DIP2C: variants seen among roughly 807,000 people sequenced by gnomAD.
DIP2C encodes the protein disco-interacting protein 2 homolog C.
A neutral mutation model predicts 192.4 loss-of-function variants in DIP2C; 33 were observed. The observed-to-expected ratio is 0.17, with a 90% CI of 0.13 to 0.23. DIP2C has a LOEUF of 0.23. Among genes scored for constraint, DIP2C ranks in the 10% least tolerant of loss-of-function variants. DIP2C has a pLI of 1.00. For missense variants in DIP2C, 1,537 were observed against 2,110.1 expected (o/e 0.73, Z 5.32); for synonymous variants, 979 against 864.1 (o/e 1.13, Z -2.33).
At chr10:577,136 G>T (rs1850215392) in intron 1 of DIP2C, among the ~76,000 whole-genome samples, 1 of 152,204 alleles carries the variant, frequency 6.6e-6, no homozygotes, top group Non-Finnish European at 1.5e-5. Context: ...CCATAAATGA[G>T]TAAGTTCCAG....
At chr10:368,891 A>AGC (rs2132775622) in intron 18 of DIP2C, among the ~76,000 whole-genome samples, 1 of 152,308 alleles carries the variant, frequency 6.6e-6, no homozygotes, top group South Asian at 2.1e-4. Context: ...CCATGAGTTG[A>AGC]GCGCCAAGCG....
chr10:672,082 CACGG>C (rs1830676617), intron 1 of DIP2C, among the ~76,000 whole-genome samples: 1 of 151,402 alleles, frequency 6.6e-6, no homozygotes, highest in Admixed American at 6.6e-5. Flanking sequence ...GCCACAGACG[CACGG>C]ACGGAGTAAA....
intron 1 of DIP2C, among the ~76,000 whole-genome samples, chr10:601,128 G>A (rs748420120): frequency 5.9e-5 from 9 of 152,156 alleles, no homozygotes; most frequent in Non-Finnish European, 4.4e-5. Context: ...AAACCAAAAG[G>A]CAGAATTTGT....
rs753959864 is a variant in DIP2C, at chr10:415,627, G to A, written c.859+142C>T. The A allele has an allele frequency of 1.3e-5, 15 of 1,128,380 alleles. No homozygotes were observed. The highest frequency in any genetic ancestry group is 2.5e-5 in the East Asian group (1 of 39,594). 69.9% of individuals were successfully genotyped at this position (1,128,380 alleles called of 1,614,324 possible). ...CCAAGGCTGCCTGGGAACATCACCCGCTCCCTACCTGGGTTCCCATCATGC... is the reference window on the plus strand; with the variant it reads ...CCAAGGCTGCCTGGGAACATCACCCACTCCCTACCTGGGTTCCCATCATGC... On this transcript the variant is annotated intron_variant, in intron 7 of 36. Coordinates refer to ENST00000280886, the MANE Select transcript of DIP2C (RefSeq NM_014974.3).
In DIP2C at chr10:562,081, T is replaced by C. The variant is rs138911567; in HGVS notation, c.86-75551A>G. On this transcript the variant is annotated intron_variant, in intron 1 of 36. Coordinates refer to ENST00000280886, the MANE Select transcript of DIP2C (RefSeq NM_014974.3). Reference sequence around the variant, plus strand: ...AGAAAAATGTGTAAGCTTTACTGCATGAAATCAGCTACATCTTTTGCTACT... The same window carrying C: ...AGAAAAATGTGTAAGCTTTACTGCACGAAATCAGCTACATCTTTTGCTACT... 2.9e-4 allele frequency among the ~76,000 whole-genome samples: 44 copies of C among 152,388 alleles called. No homozygotes were observed. The East Asian group carries it at 4.4e-3, about 15-fold the overall frequency.
chr10:645,154 AC>A (rs1855384477), intron 1 of DIP2C, among the ~76,000 whole-genome samples: 1 of 152,172 alleles, frequency 6.6e-6, no homozygotes, highest in South Asian at 2.1e-4. Flanking sequence ...CTCCTCTACA[AC>A]ACTGGATTCC....
intron 1 of DIP2C, among the ~76,000 whole-genome samples, chr10:536,030 A>G (rs867335967): frequency 7.2e-5 from 11 of 152,210 alleles, no homozygotes; most frequent in African/African-American, 2.4e-4. Context: ...TTTCCATAAC[A>G]AATGTCCCAG....
At chr10:563,977 CTG>C (rs570126667) in intron 1 of DIP2C, among the ~76,000 whole-genome samples, 22 of 152,202 alleles carry the variant, frequency 1.4e-4, no homozygotes, top group Non-Finnish European at 2.4e-4. Flanking sequence ...GAATTAAAGT[CTG>C]TGAATAATCT....
chr10:561,389 CT>C (rs1234200454), intron 1 of DIP2C, among the ~76,000 whole-genome samples: 1 of 152,194 alleles, frequency 6.6e-6, no homozygotes, highest in African/African-American at 2.4e-5. Flanking sequence ...ACTCCAACCC[CT>C]GAAGCAGCAG....
intron 1 of DIP2C, among the ~76,000 whole-genome samples, chr10:580,059 A>G (rs1219502529): frequency 1.3e-5 from 2 of 152,144 alleles, no homozygotes; most frequent in East Asian, 3.8e-4. Flanking sequence ...GGTATACTAT[A>G]ACCTGTATGT....
At chr10:579,728 A>G (rs950957098) in intron 1 of DIP2C, among the ~76,000 whole-genome samples, 1 of 152,090 alleles carries the variant, frequency 6.6e-6, no homozygotes, top group Non-Finnish European at 1.5e-5. Flanking sequence ...CCATATCAAT[A>G]CAGCATACAT....
At chr10:429,627 T>TA (rs1966832008) in intron 4 of DIP2C, among the ~76,000 whole-genome samples, 1 of 150,614 alleles carries the variant, frequency 6.6e-6, no homozygotes, top group African/African-American at 2.4e-5. Context: ...GTCACATAGC[T>TA]AAAATCATAC....
chr10:509,735 A>T (rs921875901), intron 1 of DIP2C, among the ~76,000 whole-genome samples: 13 of 152,246 alleles, frequency 8.5e-5, no homozygotes, highest in African/African-American at 2.6e-4. Flanking sequence ...CAAACCCCAC[A>T]AAGTCGCTCC....
intron 3 of DIP2C, among the ~76,000 whole-genome samples, chr10:462,030 G>T (rs1274971737): frequency 6.6e-6 from 1 of 152,174 alleles, no homozygotes; most frequent in Non-Finnish European, 1.5e-5. Flanking sequence ...AGATAAAGAG[G>T]TGTGTAGAGG....
intron 1 of DIP2C, among the ~76,000 whole-genome samples, chr10:579,483 T>C (rs922225599): frequency 1.3e-5 from 2 of 150,580 alleles, no homozygotes; most frequent in Admixed American, 6.6e-5. Context: ...AGATCCAGTG[T>C]ACAAACATAA....
intron 1 of DIP2C, among the ~76,000 whole-genome samples, chr10:604,896 T>G (rs1339591489): frequency 6.6e-6 from 1 of 152,170 alleles, no homozygotes; most frequent in East Asian, 1.9e-4. Flanking sequence ...GCACCCGAGT[T>G]TCTGTCAGAA....
intron 1 of DIP2C, among the ~76,000 whole-genome samples, chr10:565,677 A>G (rs773832089): frequency 2.0e-5 from 3 of 152,208 alleles, no homozygotes; most frequent in Admixed American, 6.5e-5. Flanking sequence ...TTTTAAAGGT[A>G]TATCATCAAA....
intron 1 of DIP2C, among the ~76,000 whole-genome samples, chr10:604,219 A>G (rs1210880343): frequency 6.6e-6 from 1 of 152,052 alleles, no homozygotes; most frequent in Non-Finnish European, 1.5e-5. Context: ...TGCCATGTAA[A>G]CTTCATTACA....
At chr10:383,120 G>A (rs993045685) in intron 16 of DIP2C, among the ~76,000 whole-genome samples, 2 of 152,190 alleles carry the variant, frequency 1.3e-5, no homozygotes, top group South Asian at 2.1e-4. Context: ...TGATGAGGTC[G>A]AGGCACAATT....
Sources: gnomAD v4.1 joint callset for allele counts (sites outside exome capture counted in the v4.1 genomes callset) on GRCh38, gnomAD v4.1.1 for gene constraint, MANE v1.5 for transcripts, NCBI Gene and HGNC (gene_info 2026-07-23, HGNC 2026-07-21) for gene names.